Variants in FGF13 observed in about 807,000 individuals in gnomAD.
FGF13 encodes the protein fibroblast growth factor homologous factor 2.
A neutral mutation model predicts 19.5 loss-of-function variants in FGF13; 2 were observed. The observed-to-expected ratio is 0.10, with a 90% CI of 0.04 to 0.32. FGF13 has a LOEUF of 0.32. FGF13 is among the 10% of genes least tolerant of loss of function. The pLI is 1.00. For missense variants in FGF13, 113 were observed against 192.7 expected, an observed-to-expected ratio of 0.59 and a Z score of 2.45; for synonymous variants, 72 against 76.9, an observed-to-expected ratio of 0.94 and a Z score of 0.33.
chrX:138,917,122 A>T (rs2091621711), intron 1 of FGF13, among the ~76,000 whole-genome samples: 1 of 111,901 alleles, frequency 8.9e-6, no homozygotes, highest in Non-Finnish European at 1.9e-5. Flanking sequence ...ATTATATTGA[A>T]TTACTAAGTG....
In FGF13 at chrX:138,625,420, A is replaced by G. The variant is rs2089048592; in HGVS notation, c.*7430T>C. On this transcript the variant is annotated 3_prime_UTR_variant, in exon 5 of 5. Coordinates refer to ENST00000315930, the MANE Select transcript of FGF13 (RefSeq NM_004114.5). Reference sequence around the variant, plus strand: ...TTCACAATAGATAAGTTATGGAACAACCTAAGTGCCCACGGACAGATGAAT... The same window carrying G: ...TTCACAATAGATAAGTTATGGAACAGCCTAAGTGCCCACGGACAGATGAAT... 9.8e-6 allele frequency: 1 copy of G among 101,682 alleles called. No homozygotes were observed. The highest frequency in any genetic ancestry group is 3.5e-5 in the African/African-American group (1 of 28,326). 8.4% of individuals were successfully genotyped at this position (101,682 alleles called of 1,213,427 possible).
At chrX:139,067,940 G>A (rs1396976660) in intron 1 of FGF13, among the ~76,000 whole-genome samples, 1 of 105,394 alleles carries the variant, frequency 9.5e-6, no homozygotes, top group Admixed American at 1.0e-4. Flanking sequence ...TAGGTTGCCT[G>A]TTCACTCTGA....
At chrX:138,759,512 C>T (rs149951938) in intron 3 of FGF13, among the ~76,000 whole-genome samples, 44 of 112,180 alleles carry the variant, frequency 3.9e-4, no homozygotes, top group Non-Finnish European at 1.1e-4. Context: ...ATATGTGGAG[C>T]AGCTACAAAA....
chrX:138,823,902 TGTGA>T (rs1363489744), intron 3 of FGF13, among the ~76,000 whole-genome samples: 1 of 112,128 alleles, frequency 8.9e-6, no homozygotes, highest in African/African-American at 3.2e-5. Context: ...AGGTGAAGCA[TGTGA>T]GTGAACCTGT....
intron 1 of FGF13, among the ~76,000 whole-genome samples, chrX:138,957,062 C>T (rs1377698036): frequency 2.7e-5 from 3 of 110,566 alleles, no homozygotes; most frequent in African/African-American, 3.3e-5. Flanking sequence ...TATATGCCTA[C>T]GGGGAAAGAA....
rs763284943 is a variant in FGF13, at chrX:138,933,057, A to G, written c.-112-68407T>C. On this transcript the variant is annotated intron_variant, in intron 1 of 2. Transcript: ENST00000421460. Reference sequence around the variant, plus strand: ...AAGAGAGGTCACCGGCTTTCTTTACACCATGCTGCCTTTAGATAAAAATTT... The same window carrying G: ...AAGAGAGGTCACCGGCTTTCTTTACGCCATGCTGCCTTTAGATAAAAATTT... Among the ~76,000 whole-genome samples, 3 of 111,483 alleles carry G rather than the reference A, an allele frequency of 2.7e-5. No homozygotes were observed. In the South Asian group the frequency reaches 1.2e-3, roughly 43 times the overall value.
At chrX:138,966,540 G>A (rs2091895799) in intron 1 of FGF13, among the ~76,000 whole-genome samples, 1 of 112,522 alleles carries the variant, frequency 8.9e-6, no homozygotes, top group South Asian at 3.7e-4. Context: ...TGGAAGGGGT[G>A]TATTTACCCA....
Position 139,155,812 on chromosome X carries a change from C to T in FGF13, c.-113+47604G>A, listed in dbSNP as rs773355248. ...AAGTCAATTTTTCTCCTCTGCTTAA[C>T]ATGAGCTCCCAAAGAACAATAGACC... On this transcript the variant is annotated intron_variant, in intron 1 of 2. Coordinates refer to the FGF13 transcript ENST00000421460. Among the ~76,000 whole-genome samples, 3 of 112,080 alleles carry T rather than the reference C, an allele frequency of 2.7e-5. No homozygotes were observed. In the South Asian group the frequency reaches 1.1e-3, roughly 42 times the overall value.
chrX:138,860,436 A>G (rs2091282669), intron 2 of FGF13, among the ~76,000 whole-genome samples: 1 of 111,395 alleles, frequency 9.0e-6, no homozygotes, highest in Non-Finnish European at 1.9e-5. Context: ...GCCCATTAAG[A>G]TAGGAAAAGG....
chrX:139,204,648 G>A (rs924326313), upstream of FGF13, among the ~76,000 whole-genome samples: 6 of 112,995 alleles, frequency 5.3e-5, no homozygotes, highest in East Asian at 5.6e-4. Flanking sequence ...ATAAAACCCC[G>A]AGGAAGGCTT....
At chrX:138,850,422 C>T (rs916976488) in intron 3 of FGF13, among the ~76,000 whole-genome samples, 20 of 111,748 alleles carry the variant, frequency 1.8e-4, no homozygotes, top group African/African-American at 6.5e-4. Flanking sequence ...AGGACATAAG[C>T]TGTAAGAGAA....
In FGF13 at chrX:139,112,851, C is replaced by A. The variant is rs762477144; in HGVS notation, c.-113+90565G>T. ...CTTCATACATTCTGCTTATTTTCCT[C>A]TTCCTTTTCTTTACCTGTGTTTCAC... On this transcript the variant is annotated intron_variant, in intron 1 of 2. Coordinates refer to the FGF13 transcript ENST00000421460. Among the ~76,000 whole-genome samples, 11 of 112,025 alleles carry A rather than the reference C, an allele frequency of 9.8e-5. No homozygotes were observed. In the South Asian group the frequency reaches 3.7e-3, roughly 38 times the overall value.
chrX:138,677,320 G>C (rs1602688529), intron 3 of FGF13, among the ~76,000 whole-genome samples: 2 of 110,028 alleles, frequency 1.8e-5, no homozygotes, highest in East Asian at 5.7e-4. Context: ...AGCCAAAATT[G>C]ACAAATGGGA....
At chrX:138,746,997 C>T (rs756002106) in intron 3 of FGF13, among the ~76,000 whole-genome samples, 3 of 111,517 alleles carry the variant, frequency 2.7e-5, no homozygotes, top group African/African-American at 9.8e-5. Flanking sequence ...TCCCTCGTAA[C>T]CAGGGCAGAC....
chrX:138,720,110 C>A, intron 1 of FGF13, among the ~76,000 whole-genome samples: 1 of 112,563 alleles, frequency 8.9e-6, no homozygotes, highest in Non-Finnish European at 1.9e-5. Context: ...CTACTCCGGG[C>A]ACTATTCAAA....
rs376582938 is a variant in FGF13, at chrX:138,878,974, C to A, written c.-112-14324G>T. Reference sequence around the variant, plus strand: ...TCTTTTGAGAAGTGTCTGTTCATATCCTTCGCCCACTTTTTGATGGGGTTG... The same window carrying A: ...TCTTTTGAGAAGTGTCTGTTCATATACTTCGCCCACTTTTTGATGGGGTTG... On this transcript the variant is annotated intron_variant, in intron 1 of 2. Transcript: ENST00000421460. Among the ~76,000 whole-genome samples, 22 of 111,342 alleles carry A rather than the reference C, an allele frequency of 2.0e-4. No homozygotes were observed. The East Asian group carries it at 5.4e-3, about 27-fold the overall frequency.
At chrX:138,740,376 A>C (rs1479088397), upstream of FGF13, among the ~76,000 whole-genome samples, 1 of 112,186 alleles carries the variant, frequency 8.9e-6, no homozygotes. Context: ...AAAGGAAGAT[A>C]ATGTATATCC....
chrX:139,025,319 C>G (rs1330741883), intron 1 of FGF13, among the ~76,000 whole-genome samples: 1 of 111,991 alleles, frequency 8.9e-6, no homozygotes, highest in East Asian at 2.8e-4. Flanking sequence ...CTATTCTGCT[C>G]AATGACCCTG....
chrX:138,955,242 G>A (rs767531398), intron 1 of FGF13, among the ~76,000 whole-genome samples: 3 of 112,825 alleles, frequency 2.7e-5, no homozygotes, highest in Non-Finnish European at 5.6e-5. Flanking sequence ...CCATAGAGAC[G>A]GGAGGGAACT....
Sources: allele counts gnomAD v4.1 joint callset (sites outside exome capture counted in the v4.1 genomes callset), GRCh38; gene constraint gnomAD v4.1.1; transcripts MANE v1.5; gene names NCBI Gene and HGNC (gene_info 2026-07-23, HGNC 2026-07-21).